The following BABAM2 variants were observed in gnomAD, a reference collection of about 807,000 sequenced individuals.
BABAM2 encodes BRISC and BRCA1-A complex member 2.
A neutral mutation model predicts 54.7 loss-of-function variants in BABAM2; 31 were observed. That is an observed-to-expected ratio of 0.57 (90% CI 0.43 to 0.77). The LOEUF (loss-of-function observed/expected upper bound fraction) is 0.77, where lower values mean the gene tolerates loss of function less well. Ranked by LOEUF, BABAM2 falls within the 30% of genes least tolerant of loss-of-function variation. The pLI, the probability that BABAM2 is intolerant of heterozygous loss-of-function variation, is 0.00. For missense variants in BABAM2, 364 were observed against 455.8 expected (o/e 0.80, Z 1.83); for synonymous variants, 167 against 162.9 (o/e 1.03, Z -0.19).
At chr2:27,898,229 C>T (rs1195867556) in intron 2 of BABAM2, among the ~76,000 whole-genome samples, 6 of 152,228 alleles carry the variant, frequency 3.9e-5, no homozygotes, top group Admixed American at 6.5e-5. Context: ...TTGGTCTTTT[C>T]ATAAGTTCCT....
chr2:28,193,666 A>G (rs1677189532), intron 7 of BABAM2, among the ~76,000 whole-genome samples: 1 of 152,230 alleles, frequency 6.6e-6, no homozygotes, highest in Admixed American at 6.5e-5. Context: ...TTTTCAATTT[A>G]TAAGAAGGAA....
At chr2:28,131,073 A>ATTTTTTTTT (rs1259022923) in intron 7 of BABAM2, among the ~76,000 whole-genome samples, 1 of 7,316 alleles carries the variant, frequency 1.4e-4, no homozygotes, top group Non-Finnish European at 3.9e-4. Context: ...TATTATTATT[A>ATTTTTTTTT]TTATTATTTT....
At chr2:28,207,755 C>A (rs550240763) in intron 7 of BABAM2, among the ~76,000 whole-genome samples, 9 of 152,228 alleles carry the variant, frequency 5.9e-5, no homozygotes, top group Non-Finnish European at 1.2e-4. Context: ...TTTCTGGATA[C>A]CTCCAAAGGA....
chr2:28,062,999 A>G (rs1041471878), intron 6 of BABAM2, among the ~76,000 whole-genome samples: 1 of 152,176 alleles, frequency 6.6e-6, no homozygotes, highest in African/African-American at 2.4e-5. Context: ...TTCTTCTTGT[A>G]GTAGTATCCC....
At chr2:28,129,906 G>A (rs1472834092) in intron 7 of BABAM2, among the ~76,000 whole-genome samples, 3 of 152,148 alleles carry the variant, frequency 2.0e-5, no homozygotes, top group African/African-American at 7.2e-5. Flanking sequence ...CAACATTCAG[G>A]CTACATGGCA....
chr2:27,969,343 GA>G (rs540223781), intron 3 of BABAM2, among the ~76,000 whole-genome samples: 34 of 152,320 alleles, frequency 2.2e-4, no homozygotes, highest in African/African-American at 7.9e-4. Flanking sequence ...GAAGCACAGT[GA>G]GGGGGTGGGG....
At chr2:27,938,833 C>A (rs955064584) in intron 3 of BABAM2, among the ~76,000 whole-genome samples, 20 of 152,148 alleles carry the variant, frequency 1.3e-4, no homozygotes, top group African/African-American at 4.6e-4. Context: ...TGTTTCCAAG[C>A]AAAGGGTAAT....
intron 7 of BABAM2, among the ~76,000 whole-genome samples, chr2:28,176,592 A>AAAAAAAAC (rs1308171583): frequency 1.4e-5 from 2 of 145,786 alleles, no homozygotes; most frequent in Non-Finnish European, 3.0e-5. Context: ...AAAAAAAAAA[A>AAAAAAAAC]AAAACCTCAC....
intron 10 of BABAM2, among the ~76,000 whole-genome samples, chr2:28,274,483 A>G (rs933335903): frequency 6.6e-6 from 1 of 152,154 alleles, no homozygotes; most frequent in Non-Finnish European, 1.5e-5. Flanking sequence ...ACCAGAATGC[A>G]GTGGTGCGAT....
chr2:28,000,430 A>G (rs1389640411), intron 4 of BABAM2, among the ~76,000 whole-genome samples: 2 of 152,156 alleles, frequency 1.3e-5, no homozygotes, highest in Non-Finnish European at 2.9e-5. Context: ...TCAGAGGTAC[A>G]AATCCATTTT....
chr2:28,310,043 A>G (rs1688937796), intron 11 of BABAM2: 1 of 1,600,368 alleles, frequency 6.2e-7, no homozygotes, highest in African/African-American at 1.3e-5. Flanking sequence ...ACCCTTTTGA[A>G]AAGTATCTTA....
intron 3 of BABAM2, among the ~76,000 whole-genome samples, chr2:27,934,062 AT>A (rs988670859): frequency 7.5e-4 from 110 of 147,026 alleles, no homozygotes; most frequent in East Asian, 2.4e-3. Context: ...TTCAACAAGG[AT>A]TTTTTTTTTT....
intron 3 of BABAM2, among the ~76,000 whole-genome samples, chr2:27,977,374 A>C (rs1229650791): frequency 6.6e-6 from 1 of 152,216 alleles, no homozygotes; most frequent in Non-Finnish European, 1.5e-5. Context: ...GAATATCATG[A>C]TGGACTTTAA....
intron 6 of BABAM2, among the ~76,000 whole-genome samples, chr2:28,107,271 C>T (rs1667609004): frequency 6.6e-6 from 1 of 152,166 alleles, no homozygotes; most frequent in African/African-American, 2.4e-5. Context: ...GCATTCAACC[C>T]TTGTCCTTCT....
At chr2:28,225,189 C>T (rs747700401) in intron 7 of BABAM2, among the ~76,000 whole-genome samples, 9 of 152,210 alleles carry the variant, frequency 5.9e-5, no homozygotes, top group Non-Finnish European at 1.3e-4. Flanking sequence ...GCAGTAGAGA[C>T]AGGGCAGCCA....
At chr2:28,207,754 A>T (rs905905514) in intron 7 of BABAM2, among the ~76,000 whole-genome samples, 1 of 152,182 alleles carries the variant, frequency 6.6e-6, no homozygotes, top group African/African-American at 2.4e-5. Flanking sequence ...ATTTCTGGAT[A>T]CCTCCAAAGG....
At chr2:28,139,152 G>T (rs12614347) in intron 7 of BABAM2, among the ~76,000 whole-genome samples, 14,900 of 151,460 alleles carry the variant, frequency 0.098, 776 homozygotes, top group East Asian at 0.15. Context: ...TTTCAGCTGG[G>T]CGCAATGGCT....
intron 10 of BABAM2, among the ~76,000 whole-genome samples, chr2:28,293,921 G>A (rs1216410232): frequency 1.3e-5 from 2 of 152,092 alleles, no homozygotes; most frequent in African/African-American, 2.4e-5. Flanking sequence ...TACTAAACAG[G>A]TGCAGACCAT....
intron 3 of BABAM2, among the ~76,000 whole-genome samples, chr2:27,954,735 G>A (rs1669968429): frequency 6.6e-6 from 1 of 152,118 alleles, no homozygotes; most frequent in Non-Finnish European, 1.5e-5. Context: ...AACTTTCGTC[G>A]AATTAATATT....
Sources: gnomAD v4.1 joint callset for allele counts (sites outside exome capture counted in the v4.1 genomes callset) on GRCh38, gnomAD v4.1.1 for gene constraint, MANE v1.5 for transcripts, NCBI Gene and HGNC (gene_info 2026-07-23, HGNC 2026-07-21) for gene names.